Variants in SLC15A1 observed in about 807,000 individuals in gnomAD.
The protein encoded by SLC15A1 is Caco-2 oligopeptide transporter.
SLC15A1 carries 83 observed loss-of-function variants against 92.9 expected under a neutral mutation model. The observed-to-expected ratio is 0.89, with a 90% CI of 0.75 to 1.07. The LOEUF is 1.07. Among genes scored for constraint, SLC15A1 ranks in the 50% least tolerant of loss-of-function variants. The pLI, the probability that SLC15A1 is intolerant of heterozygous loss-of-function variation, is 0.00. For synonymous variants in SLC15A1, 322 were observed against 318.2 expected (o/e 1.01, Z -0.13); for missense variants, 857 against 880.1 (o/e 0.97, Z 0.33).
intron 18 of SLC15A1, among the ~76,000 whole-genome samples, chr13:98,701,624 C>G (rs1307798091): frequency 6.6e-6 from 1 of 151,486 alleles, no homozygotes; most frequent in Non-Finnish European, 1.5e-5. Context: ...CCTCAGCCCC[C>G]TGAGTGGCTG....
At chr13:98,724,137 C>T in intron 4 of SLC15A1, 106 bp from the exon 5 acceptor site, 3 of 1,345,052 alleles carry the variant, frequency 2.2e-6, no homozygotes, top group Non-Finnish European at 3.1e-6. Context: ...AGAGCCCAAT[C>T]CTGAATACAC....
chr13:98,686,327 T>A, intron 21 of SLC15A1, 30 bp from the exon 22 acceptor site: 1 of 1,471,174 alleles, frequency 6.8e-7, no homozygotes, highest in Non-Finnish European at 9.4e-7. Context: ...TGAGTCCTGC[T>A]CCAGGTCTCA....
intron 16 of SLC15A1, among the ~76,000 whole-genome samples, chr13:98,705,893 TA>T (rs58621986): frequency 0.13 from 18,669 of 142,868 alleles, 2,080 homozygotes; most frequent in African/African-American, 0.31. Flanking sequence ...AGACTCCATC[TA>T]AAAAAAAAAA....
At position 98,687,646 on chromosome 13, in the gene SLC15A1, A is replaced by C. The variant is rs748412712; in HGVS notation, c.1762T>G (p.Tyr588Asp). The C allele has an allele frequency of 2.5e-6, 4 of 1,614,076 alleles. No homozygotes were observed. The highest frequency in any genetic ancestry group is 3.4e-6 in the Non-Finnish European group (4 of 1,180,022). Residue 588 changes from tyrosine to aspartate, a missense_variant, in exon 21 of 23, where the codon TAT becomes GAT. Coordinates refer to ENST00000376503, the MANE Select transcript of SLC15A1 (RefSeq NM_005073.4). ...ACTTCGCCACAGGTGAGAAGAAAAT[A>C]CTGCGGGATTTGCAGAGCCATGTTA... ...TVNMALQIPQ[Y>D]FLLTCGEVVF...
chr13:98,740,118 A>T (rs183117432), intron 1 of SLC15A1, among the ~76,000 whole-genome samples: 9 of 152,208 alleles, frequency 5.9e-5, no homozygotes, highest in African/African-American at 2.2e-4. Flanking sequence ...CATCATGACA[A>T]GCCTTATATT....
At chr13:98,747,608 C>G (rs1265225996) in intron 1 of SLC15A1, among the ~76,000 whole-genome samples, 5 of 152,170 alleles carry the variant, frequency 3.3e-5, no homozygotes, top group Non-Finnish European at 5.9e-5. Flanking sequence ...CAGCCTGGCA[C>G]AGTGGCTCAG....
chr13:98,711,729 GAAATAT>G (rs2088164221), intron 11 of SLC15A1, 119 bp downstream of exon 11: 2 of 644,950 alleles, frequency 3.1e-6, no homozygotes, highest in Non-Finnish European at 2.7e-6. Context: ...TTAAACAAGT[GAAATAT>G]AAATAAGAAA....
chr13:98,731,168 C>A (rs2088347638), intron 1 of SLC15A1, among the ~76,000 whole-genome samples: 1 of 152,172 alleles, frequency 6.6e-6, no homozygotes, highest in African/African-American at 2.4e-5. Context: ...TTGTTGTGCC[C>A]GTCCACAGCG....
At chr13:98,742,673 C>A (rs1441114512) in intron 1 of SLC15A1, among the ~76,000 whole-genome samples, 1 of 152,184 alleles carries the variant, frequency 6.6e-6, no homozygotes, top group Non-Finnish European at 1.5e-5. Flanking sequence ...CTTTGGTGTT[C>A]CCCGTCTTGT....
intron 18 of SLC15A1, among the ~76,000 whole-genome samples, chr13:98,700,244 C>A (rs543852993): frequency 1.3e-5 from 2 of 151,936 alleles, no homozygotes; most frequent in African/African-American, 2.4e-5. Context: ...CCCAGCAATT[C>A]GGGAGTCTGG....
chr13:98,699,097 C>A (rs531018161), intron 18 of SLC15A1, among the ~76,000 whole-genome samples: 1 of 152,318 alleles, frequency 6.6e-6, no homozygotes, highest in Non-Finnish European at 1.5e-5. Context: ...ATAGTCAAAC[C>A]TTTCCTCCAC....
intron 15 of SLC15A1, among the ~76,000 whole-genome samples, chr13:98,707,373 T>C (rs1301281887): frequency 1.3e-5 from 2 of 152,172 alleles, no homozygotes; most frequent in Admixed American, 1.3e-4. Context: ...GAAGACAATA[T>C]ACTAAGTGAA....
chr13:98,730,143 C>G (rs1166078236), intron 1 of SLC15A1, among the ~76,000 whole-genome samples: 3 of 150,630 alleles, frequency 2.0e-5, no homozygotes, highest in Non-Finnish European at 2.9e-5. Flanking sequence ...ATGCAGTGAG[C>G]TGAAATCGCA....
chr13:98,711,503 T>C (rs780104244), intron 11 of SLC15A1, among the ~76,000 whole-genome samples: 2 of 152,214 alleles, frequency 1.3e-5, no homozygotes, highest in Non-Finnish European at 2.9e-5. Flanking sequence ...GCAATGTAAC[T>C]TGTTACCACG....
chr13:98,708,255 G>A (rs929195480), intron 15 of SLC15A1, among the ~76,000 whole-genome samples: 1 of 152,094 alleles, frequency 6.6e-6, no homozygotes, highest in Non-Finnish European at 1.5e-5. Context: ...AGCCCACTGC[G>A]AGTCCAATAG....
At chr13:98,741,736 A>G (rs2088448911) in intron 1 of SLC15A1, among the ~76,000 whole-genome samples, 1 of 151,992 alleles carries the variant, frequency 6.6e-6, no homozygotes, top group African/African-American at 2.4e-5. Context: ...AAAAAAAAAA[A>G]AAAAAAAAGG....
At chr13:98,689,253 C>T (rs1444334245) in intron 18 of SLC15A1, among the ~76,000 whole-genome samples, 2 of 152,064 alleles carry the variant, frequency 1.3e-5, no homozygotes, top group African/African-American at 4.8e-5. Flanking sequence ...AACTTTAGCG[C>T]TCAAGTAGTG....
chr13:98,733,290 T>C (rs990118835), intron 1 of SLC15A1, among the ~76,000 whole-genome samples: 1 of 152,246 alleles, frequency 6.6e-6, no homozygotes, highest in African/African-American at 2.4e-5. Context: ...TAGAAACTAA[T>C]ACACATAGGT....
In SLC15A1 at chr13:98,748,348, T is replaced by C. The variant is rs946402; in HGVS notation, c.4+4247A>G. ...CTCTGTTGCCCAGGCTGGAGCACAG[T>C]GGAGCAATCTTAGCTCACTGCAACC... On this transcript the variant is annotated intron_variant, in intron 1 of 22. Transcript: ENST00000376503. Among the ~76,000 whole-genome samples, 40 of 152,318 alleles carry C rather than the reference T, an allele frequency of 2.6e-4. 1 individual carries two copies. The South Asian group carries it at 6.6e-3, about 25-fold the overall frequency.
Sources: allele counts gnomAD v4.1 joint callset (sites outside exome capture counted in the v4.1 genomes callset), GRCh38; gene constraint gnomAD v4.1.1; transcripts MANE v1.5; gene names NCBI Gene and HGNC (gene_info 2026-07-23, HGNC 2026-07-21).